The following NEK11 variants were observed in gnomAD, a reference collection of about 807,000 sequenced individuals.
NEK11 encodes the protein serine/threonine-protein kinase Nek11.
NEK11 carries 72 observed loss-of-function variants against 80.7 expected under a neutral mutation model. The observed-to-expected ratio is 0.89, with a 90% confidence interval of 0.74 to 1.08. NEK11 has a LOEUF of 1.08. Ranked by LOEUF, NEK11 falls within the 50% of genes least tolerant of loss-of-function variation. The probability of loss-of-function intolerance (pLI) is 0.00; values close to 1 mark genes in which losing one functional copy is unlikely to be tolerated. For missense variants in NEK11, 764 were observed against 763.6 expected (o/e 1.00, Z -0.01); for synonymous variants, 251 against 260.7 (o/e 0.96, Z 0.36).
At position 131,174,723 on chromosome 3, in the gene NEK11, A is replaced by C. The variant is rs532186620; in HGVS notation, c.1399+3836A>C. On this transcript the variant is annotated intron_variant, in intron 14 of 17. Coordinates refer to ENST00000383366, the MANE Select transcript of NEK11 (RefSeq NM_024800.5). ...ATCTTGCACATTAATTTTTGCCAGG[A>C]ACTTCTTTGTACTCTAGCATTTGTT... is the stretch of plus-strand genomic sequence containing the variant. The C allele has an allele frequency of 1.3e-5, 21 of 1,586,056 alleles. 1 individual carries two copies. The Middle Eastern group carries it at 8.3e-4, about 63-fold the overall frequency.
At chr3:131,060,720 C>T (rs973296106) in intron 3 of NEK11, among the ~76,000 whole-genome samples, 2 of 152,124 alleles carry the variant, frequency 1.3e-5, no homozygotes, top group Non-Finnish European at 2.9e-5. Context: ...CTTCTCTTTG[C>T]CCAGATTGTT....
At chr3:131,116,050 A>T (rs1271920157) in intron 5 of NEK11, among the ~76,000 whole-genome samples, 1 of 150,864 alleles carries the variant, frequency 6.6e-6, no homozygotes, top group Non-Finnish European at 1.5e-5. Context: ...ATATGTATAC[A>T]TGTGCCATGT....
intron 14 of NEK11, among the ~76,000 whole-genome samples, chr3:131,207,033 A>G (rs2094460899): frequency 6.6e-6 from 1 of 152,194 alleles, no homozygotes. Flanking sequence ...TCCATGGTGT[A>G]TATGTGCCAC....
intron 4 of NEK11, among the ~76,000 whole-genome samples, chr3:131,107,912 A>G (rs2079451387): frequency 6.6e-6 from 1 of 152,146 alleles, no homozygotes; most frequent in Non-Finnish European, 1.5e-5. Context: ...ATGAGAGTAC[A>G]GCTTGTATGG....
chr3:131,221,064 A>G (rs554315620), intron 14 of NEK11, among the ~76,000 whole-genome samples: 4 of 152,160 alleles, frequency 2.6e-5, no homozygotes, highest in African/African-American at 9.6e-5. Flanking sequence ...CTCCCAAAGG[A>G]TTAGTTAATT....
chr3:131,190,587 G>A (rs1268347214), intron 14 of NEK11, among the ~76,000 whole-genome samples: 2 of 152,110 alleles, frequency 1.3e-5, no homozygotes, highest in African/African-American at 4.8e-5. Flanking sequence ...CTCACCAGAA[G>A]TGGACGCTGG....
At chr3:131,122,150 T>G (rs1418370950) in intron 5 of NEK11, among the ~76,000 whole-genome samples, 1 of 152,198 alleles carries the variant, frequency 6.6e-6, no homozygotes, top group East Asian at 1.9e-4. Flanking sequence ...AAGGTAGTGT[T>G]AAGAACTCAT....
intron 16 of NEK11, among the ~76,000 whole-genome samples, chr3:131,265,195 A>G (rs1040846811): frequency 1.3e-5 from 2 of 152,120 alleles, no homozygotes; most frequent in Non-Finnish European, 2.9e-5. Flanking sequence ...TCCTATTTGA[A>G]TACCCTGTAT....
chr3:131,174,335 A>C (rs2092882059), intron 14 of NEK11, among the ~76,000 whole-genome samples: 1 of 152,184 alleles, frequency 6.6e-6, no homozygotes, highest in Non-Finnish European at 1.5e-5. Context: ...GTGGTTAATT[A>C]TTTTTTGCCT....
intron 2 of NEK11, 123 bp from the exon 3 acceptor site, chr3:131,029,490 A>G: frequency 2.7e-6 from 1 of 376,688 alleles, no homozygotes; most frequent in Non-Finnish European, 4.7e-6. Flanking sequence ...ATTTTTTTTC[A>G]AGTTGTTAAC....
At chr3:131,130,851 GAGTGC>G (rs2084316423) in intron 5 of NEK11, among the ~76,000 whole-genome samples, 1 of 152,154 alleles carries the variant, frequency 6.6e-6, no homozygotes. Context: ...ACCCAGGCTG[GAGTGC>G]AGTGGGGTGA....
chr3:131,232,938 A>G (rs1389034029), intron 15 of NEK11, among the ~76,000 whole-genome samples: 1 of 151,770 alleles, frequency 6.6e-6, no homozygotes, highest in Non-Finnish European at 1.5e-5. Context: ...ATTCCTATCA[A>G]GTAGGTGGGA....
chr3:131,139,552 A>G (rs1046212328), intron 7 of NEK11, among the ~76,000 whole-genome samples: 6 of 152,114 alleles, frequency 3.9e-5, no homozygotes, highest in Admixed American at 6.5e-5. Flanking sequence ...GTTATAGAAG[A>G]CCAAACAGAT....
At chr3:131,232,881 G>A (rs891050468) in intron 15 of NEK11, among the ~76,000 whole-genome samples, 11 of 152,076 alleles carry the variant, frequency 7.2e-5, no homozygotes, top group Non-Finnish European at 1.5e-4. Context: ...GTCAGTTCAG[G>A]TACTCCAGGA....
At chr3:131,298,789 G>A (rs576480058) in intron 17 of NEK11, among the ~76,000 whole-genome samples, 5 of 151,896 alleles carry the variant, frequency 3.3e-5, no homozygotes, top group South Asian at 4.1e-4. Flanking sequence ...ATGGGTTGTC[G>A]TCTGACATCA....
intron 4 of NEK11, among the ~76,000 whole-genome samples, chr3:131,090,799 T>TGGTGGG (rs2076618146): frequency 1.3e-5 from 2 of 152,188 alleles, no homozygotes; most frequent in African/African-American, 4.8e-5. Flanking sequence ...GGGGTTTCAT[T>TGGTGGG]CTGTCACCAG....
In NEK11 at chr3:131,152,647, C is replaced by A. The variant is rs1579174582; in HGVS notation, c.814C>A (p.Pro272Thr). 6.2e-7 allele frequency: 1 copy of A among 1,613,564 alleles called. No individual in the cohort carries two copies. The highest frequency in any genetic ancestry group is 8.5e-7 in the Non-Finnish European group (1 of 1,179,718). The change falls in exon 9 of 18, where the codon CCT becomes ACT. Residue 272 changes from proline to threonine, a missense_variant. Transcript: ENST00000383366. Reference sequence around the variant, plus strand: ...ACATTACAGCATGTTGAACAAGAATCCTTCATTAAGACCATCTGCTATCGA... The same window carrying A: ...ACATTACAGCATGTTGAACAAGAATACTTCATTAAGACCATCTGCTATCGA... The part of the protein sequence containing the change: ...AIMESMLNKN[P>T]SLRPSAIEIL...
chr3:131,189,895 C>G (rs1434581330), intron 14 of NEK11, among the ~76,000 whole-genome samples: 1 of 152,114 alleles, frequency 6.6e-6, no homozygotes, highest in Non-Finnish European at 1.5e-5. Context: ...AATTATTTTA[C>G]TACTATTTTA....
Position 131,341,040 on chromosome 3 carries a change from TTTTAA to T in NEK11, c.1719-8513_1719-8509del, listed in dbSNP as rs138258188. On this transcript the variant is annotated intron_variant, in intron 17 of 17. Transcript: ENST00000383366. ...TTTGAAAAAGGAAACATAGGAACTC[TTTTAA>T]TTTGAACAGCACAGAGAATACTGCC... is the stretch of plus-strand genomic sequence containing the variant. 2.1e-3 allele frequency among the ~76,000 whole-genome samples: 313 copies of T among 152,334 alleles called. 2 individuals are homozygous for T. Among genetic ancestry groups the T allele is most frequent in the Non-Finnish European group, 3.5e-3 (240 of 68,026 alleles).
Sources: allele counts gnomAD v4.1 joint callset (sites outside exome capture counted in the v4.1 genomes callset), GRCh38; gene constraint gnomAD v4.1.1; transcripts MANE v1.5; gene names NCBI Gene and HGNC (gene_info 2026-07-23, HGNC 2026-07-21).